Variants in RMDN1 observed in about 807,000 individuals in gnomAD.
RMDN1 encodes regulator of microtubule dynamics protein 1.
In RMDN1, 48 loss-of-function variants were observed where a neutral mutation model predicts 48.9. That is an observed-to-expected ratio of 0.98 (90% CI 0.78 to 1.25). RMDN1 has a LOEUF of 1.25. Ranked by LOEUF, RMDN1 falls within the 50% of genes most tolerant of loss-of-function variation. RMDN1 has a pLI of 0.00. For synonymous variants in RMDN1, 148 were observed against 132.6 expected (o/e 1.12, Z -0.80); for missense variants, 418 against 373.4 (o/e 1.12, Z -0.98).
chr8:86,478,710 C>G (rs1483386001), intron 7 of RMDN1: 2 of 515,442 alleles, frequency 3.9e-6, no homozygotes, highest in Non-Finnish European at 6.9e-6. Context: ...GACAGTATTC[C>G]AGAATTACCA....
intron 1 of RMDN1, chr8:86,508,241 G>A (rs1819710542): frequency 4.6e-6 from 2 of 435,282 alleles, no homozygotes; most frequent in South Asian, 4.6e-5. Flanking sequence ...CACAAGAAGG[G>A]CGGGTAGCAG....
At chr8:86,487,126 TAATG>T (rs1455246258) in intron 3 of RMDN1, among the ~76,000 whole-genome samples, 3 of 152,244 alleles carry the variant, frequency 2.0e-5, no homozygotes, top group Non-Finnish European at 4.4e-5. Flanking sequence ...AATTATTTGC[TAATG>T]AATGAATGGT....
In RMDN1 at chr8:86,473,159, G is replaced by GTT; in HGVS notation, c.*1147_*1148dup. 1 of 985,258 alleles carries GTT rather than the reference G, an allele frequency of 1.0e-6. No homozygotes were observed. Among genetic ancestry groups the GTT allele is most frequent in the Non-Finnish European group, 1.2e-6 (1 of 829,844 alleles). 61.0% of individuals were successfully genotyped at this position (985,258 alleles called of 1,614,324 possible). A position where few individuals can be genotyped will look rare whatever the true frequency, so the allele number is the denominator to read the frequency against. On this transcript the variant is annotated 3_prime_UTR_variant, in exon 10 of 10. Transcript: ENST00000406452. ...ATCACTACTTTCAGTTTTCCTTTTTGTTTGAAAATGTACATGACAAACATA... is the reference window on the plus strand; with the variant it reads ...ATCACTACTTTCAGTTTTCCTTTTTGTTTTTGAAAATGTACATGACAAACATA...
In RMDN1 at chr8:86,488,583, G is replaced by C. The variant is rs1172299226; in HGVS notation, c.304C>G (p.Leu102Val). 1 of 1,610,408 alleles carries C rather than the reference G, an allele frequency of 6.2e-7. No individual in the cohort carries two copies. Among genetic ancestry groups the C allele is most frequent in the African/African-American group, 1.3e-5 (1 of 74,730 alleles). ...YLYESGETEK[L>V]YQLLTQYKES... ...TTGTATTGGGTTAGCAACTGATAAA[G>C]TTTTTCTGTTTCTCCGCTTTCATAC... Residue 102 changes from leucine to valine, a missense_variant, in exon 3 of 10, where the codon CTT (leucine) becomes GTT (valine). Physicochemically the swap from Leu to Val is conservative, Grantham distance 32. Coordinates refer to ENST00000406452, the MANE Select transcript of RMDN1 (RefSeq NM_016033.3).
At chr8:86,501,493 T>C (rs999201402) in intron 2 of RMDN1, among the ~76,000 whole-genome samples, 1 of 152,012 alleles carries the variant, frequency 6.6e-6, no homozygotes, top group Non-Finnish European at 1.5e-5. Context: ...GACAACATGG[T>C]GAAACCTCGT....
At chr8:86,482,774 T>C in intron 5 of RMDN1, 1 of 917,670 alleles carries the variant, frequency 1.1e-6, no homozygotes, top group Non-Finnish European at 1.8e-6. Context: ...AGGACCCCAA[T>C]GTGACAAGTA....
chr8:86,477,466 C>T, intron 7 of RMDN1, 142 bp from the exon 8 acceptor site: 1 of 619,262 alleles, frequency 1.6e-6, no homozygotes, highest in Non-Finnish European at 2.7e-6. Context: ...ACTTCTTCAA[C>T]AGTGAGAGTT....
upstream of RMDN1, among the ~76,000 whole-genome samples, chr8:86,509,451 G>C (rs1339435015): frequency 1.3e-5 from 2 of 152,152 alleles, no homozygotes; most frequent in Non-Finnish European, 1.5e-5. Context: ...CTTGAGGCCT[G>C]ATCAGGGTGG....
At chr8:86,494,250 G>T (rs930194929) in intron 2 of RMDN1, among the ~76,000 whole-genome samples, 3 of 152,186 alleles carry the variant, frequency 2.0e-5, no homozygotes, top group Non-Finnish European at 4.4e-5. Flanking sequence ...GAGAATGCTG[G>T]AAAGTGGCAT....
intron 2 of RMDN1, chr8:86,494,727 T>C (rs1027417794): frequency 2.6e-5 from 6 of 230,104 alleles, no homozygotes; most frequent in African/African-American, 1.4e-4. Context: ...TGGTGGCTCA[T>C]GCCTGTAATT....
At chr8:86,492,570 T>A (rs1407581393) in intron 2 of RMDN1, among the ~76,000 whole-genome samples, 1 of 151,848 alleles carries the variant, frequency 6.6e-6, no homozygotes. Flanking sequence ...GGGAAATCGC[T>A]GGAACCCAGA....
chr8:86,490,608 C>T (rs568328209), intron 2 of RMDN1, among the ~76,000 whole-genome samples: 5 of 149,184 alleles, frequency 3.4e-5, no homozygotes, highest in Admixed American at 2.0e-4. Context: ...GGCTTCTGAA[C>T]GGCAAGATAC....
chr8:86,507,370 C>T (rs1308726269), intron 1 of RMDN1, among the ~76,000 whole-genome samples: 2 of 152,310 alleles, frequency 1.3e-5, no homozygotes, highest in African/African-American at 4.8e-5. Flanking sequence ...TTATTTGCTA[C>T]AACTTATTTG....
Position 86,491,961 on chromosome 8 carries a change from T to C in RMDN1, c.248-3322A>G, listed in dbSNP as rs115715188. 6.2e-3 allele frequency among the ~76,000 whole-genome samples: 939 copies of C among 152,268 alleles called. 14 individuals are homozygous for C. The highest frequency in any genetic ancestry group is 0.045 in the East Asian group (235 of 5,180). On this transcript the variant is annotated intron_variant, in intron 2 of 9. Transcript: ENST00000406452. ...GAATATCTAGATTCAAGCCCCTAAG[T>C]AGCAGTAACATCATCAAAGTTTAAG...
At chr8:86,488,714 C>T in intron 2 of RMDN1, 75 bp from the exon 3 acceptor site, 1 of 959,730 alleles carries the variant, frequency 1.0e-6, no homozygotes, top group Non-Finnish European at 1.6e-6. Context: ...TTCAAAGAAA[C>T]TTAAACACTT....
chr8:86,513,129 C>CT (rs1384108304), upstream of RMDN1, among the ~76,000 whole-genome samples: 4 of 151,924 alleles, frequency 2.6e-5, no homozygotes, highest in Non-Finnish European at 5.9e-5. Flanking sequence ...AATCTCAGCA[C>CT]TTTGGGAAGC....
At chr8:86,501,589 C>T (rs1486482648) in intron 2 of RMDN1, among the ~76,000 whole-genome samples, 1 of 151,884 alleles carries the variant, frequency 6.6e-6, no homozygotes, top group African/African-American at 2.4e-5. Context: ...GGGAGAATCA[C>T]CCGGGCCCGG....
In RMDN1 at chr8:86,508,561, C is replaced by T. The variant is rs1263944788; in HGVS notation, c.60G>A (p.Gly20=). The stretch of plus-strand genomic sequence containing the variant: ...CCGAAGTCCCCGCAGGGAGACGAGA[C>T]CCCGGGGCGGCTCCACGTCGGAAAG... The part of the protein sequence containing the change: ...LLPFRRGAAP[G]SRLPAGTSGS... The change falls in exon 1 of 10, where the codon GGG becomes GGA. Residue 20 remains glycine (G), a synonymous_variant. Coordinates refer to ENST00000406452, the MANE Select transcript of RMDN1 (RefSeq NM_016033.3). 6.3e-7 allele frequency: 1 copy of T among 1,599,618 alleles called. No homozygotes were observed. The highest frequency in any genetic ancestry group is 8.5e-7 in the Non-Finnish European group (1 of 1,175,078).
chr8:86,469,511 A>G (rs144327454), downstream of RMDN1, among the ~76,000 whole-genome samples: 521 of 152,290 alleles, frequency 3.4e-3, 3 homozygotes, highest in South Asian at 0.022. Context: ...GATTGCTGTT[A>G]GAAGACCGTC....
Sources: allele counts gnomAD v4.1 joint callset (sites outside exome capture counted in the v4.1 genomes callset), GRCh38; gene constraint gnomAD v4.1.1; transcripts MANE v1.5; gene names NCBI Gene and HGNC (gene_info 2026-07-23, HGNC 2026-07-21).